KHDRBS2: variants seen among roughly 807,000 people sequenced by gnomAD.
KHDRBS2 encodes the protein KH domain-containing, RNA-binding, signal transduction-associated protein 2.
Under a neutral mutation model 44.3 loss-of-function variants are expected in KHDRBS2, and 26 were observed. That is an observed-to-expected ratio of 0.59 (90% confidence interval 0.43 to 0.81). The LOEUF is 0.81. KHDRBS2 is among the 40% of genes least tolerant of loss of function. The probability of loss-of-function intolerance (pLI) is 0.00; values close to 1 mark genes in which losing one functional copy is unlikely to be tolerated. For synonymous variants in KHDRBS2, 194 were observed against 151.1 expected (o/e 1.28, Z -2.08); for missense variants, 476 against 433.1 (o/e 1.10, Z -0.88).
At chr6:61,637,566 G>A in the KHDRBS2 span, among the ~76,000 whole-genome samples, 2 of 152,094 alleles carry the variant, frequency 1.3e-5, no homozygotes, top group African/African-American at 2.4e-5. Flanking sequence ...GGATGGCTGG[G>A]TCAAATGGTA....
the KHDRBS2 span, among the ~76,000 whole-genome samples, chr6:61,564,106 G>C: frequency 2.0e-5 from 3 of 152,174 alleles, no homozygotes; most frequent in African/African-American, 7.2e-5. Flanking sequence ...TCTGTTAAAT[G>C]CCTCAGCCAT....
the KHDRBS2 span, among the ~76,000 whole-genome samples, chr6:61,670,635 G>A: frequency 6.6e-6 from 1 of 151,314 alleles, no homozygotes; most frequent in Non-Finnish European, 1.5e-5. Flanking sequence ...AATGGTCTTT[G>A]TAAATTCCGT....
At chr6:62,084,120 C>T (rs371750468) in intron 2 of KHDRBS2, among the ~76,000 whole-genome samples, 26 of 152,138 alleles carry the variant, frequency 1.7e-4, no homozygotes, top group East Asian at 1.2e-3. Context: ...TAATCCCTAA[C>T]GAGATATTGA....
At chr6:62,239,823 T>C (rs1276701693) in intron 1 of KHDRBS2, among the ~76,000 whole-genome samples, 7 of 152,004 alleles carry the variant, frequency 4.6e-5, no homozygotes, top group South Asian at 2.1e-4. Context: ...GTAGCTGGGA[T>C]TACAGGTGCC....
chr6:62,019,146 C>A (rs1203945328), intron 3 of KHDRBS2, among the ~76,000 whole-genome samples: 2 of 151,976 alleles, frequency 1.3e-5, no homozygotes, highest in African/African-American at 2.4e-5. Flanking sequence ...TCTGGTGGAA[C>A]TGAGCACTAG....
At chr6:61,754,955 T>G (rs1778270154) in intron 6 of KHDRBS2, among the ~76,000 whole-genome samples, 1 of 152,204 alleles carries the variant, frequency 6.6e-6, no homozygotes, top group Non-Finnish European at 1.5e-5. Flanking sequence ...GCAATTTTGA[T>G]GTAAATACCA....
intron 4 of KHDRBS2, among the ~76,000 whole-genome samples, chr6:61,909,984 A>G (rs1305121462): frequency 1.3e-5 from 2 of 152,218 alleles, no homozygotes. Context: ...GACTTTCAGA[A>G]ATCATCGGAA....
chr6:61,670,412 T>C, the KHDRBS2 span, among the ~76,000 whole-genome samples: 5 of 151,480 alleles, frequency 3.3e-5, no homozygotes, highest in African/African-American at 1.2e-4. Context: ...CAAGAAAGCA[T>C]AAAGCAGCAT....
chr6:62,106,990 T>C (rs1449506079), intron 2 of KHDRBS2, among the ~76,000 whole-genome samples: 1 of 152,104 alleles, frequency 6.6e-6, no homozygotes, highest in Admixed American at 6.6e-5. Flanking sequence ...AATATCATAC[T>C]GAATGGGCAA....
intron 7 of KHDRBS2, among the ~76,000 whole-genome samples, chr6:61,726,679 CAAAAAGAATAA>C (rs1179277505): frequency 6.6e-6 from 1 of 151,962 alleles, no homozygotes; most frequent in Non-Finnish European, 1.5e-5. Context: ...ATCACTGCCA[CAAAAAGAATAA>C]AATATCTAGA....
intron 6 of KHDRBS2, among the ~76,000 whole-genome samples, chr6:61,837,528 G>T (rs1792888671): frequency 6.6e-6 from 1 of 151,932 alleles, no homozygotes; most frequent in Admixed American, 6.6e-5. Context: ...ACTTCCAGAG[G>T]CAATAATGCT....
chr6:62,263,328 T>C (rs1385090323), intron 1 of KHDRBS2, among the ~76,000 whole-genome samples: 11 of 151,704 alleles, frequency 7.3e-5, no homozygotes, highest in Non-Finnish European at 1.6e-4. Context: ...ATTTTTAGTA[T>C]GTTTGGGATC....
chr6:61,789,598 G>A (rs931312864), intron 6 of KHDRBS2, among the ~76,000 whole-genome samples: 7 of 151,374 alleles, frequency 4.6e-5, no homozygotes, highest in African/African-American at 1.7e-4. Context: ...TAAGGTATGC[G>A]TTTCAACATT....
chr6:61,856,860 T>G (rs1475349581), intron 6 of KHDRBS2, among the ~76,000 whole-genome samples: 2 of 152,062 alleles, frequency 1.3e-5, no homozygotes, highest in African/African-American at 2.4e-5. Flanking sequence ...GCCAGATATA[T>G]GCAGTAGTTT....
At chr6:61,576,947 C>T in the KHDRBS2 span, among the ~76,000 whole-genome samples, 1 of 152,202 alleles carries the variant, frequency 6.6e-6, no homozygotes, top group South Asian at 2.1e-4. Context: ...TACATTGTTG[C>T]CTGATTCTAG....
intron 3 of KHDRBS2, among the ~76,000 whole-genome samples, chr6:62,017,969 CAT>C (rs1270747017): frequency 1.5e-4 from 23 of 151,802 alleles, no homozygotes; most frequent in African/African-American, 5.6e-4. Flanking sequence ...ACCGAAGACA[CAT>C]GATTCCATTA....
At chr6:62,262,293 A>G (rs1234776199) in intron 1 of KHDRBS2, among the ~76,000 whole-genome samples, 1 of 151,770 alleles carries the variant, frequency 6.6e-6, no homozygotes, top group Admixed American at 6.6e-5. Flanking sequence ...TTAGTACAAA[A>G]CCACTGAAAT....
intron 2 of KHDRBS2, among the ~76,000 whole-genome samples, chr6:62,140,495 C>G (rs1302037001): frequency 6.6e-6 from 1 of 152,050 alleles, no homozygotes; most frequent in Non-Finnish European, 1.5e-5. Flanking sequence ...TCAAAATGAA[C>G]CCAGTTAAAG....
chr6:61,818,480 A>G (rs891886142), intron 6 of KHDRBS2, among the ~76,000 whole-genome samples: 1 of 151,996 alleles, frequency 6.6e-6, no homozygotes, highest in African/African-American at 2.4e-5. Context: ...TTAAGGAAGT[A>G]GTATCCAGGA....
Sources: allele counts gnomAD v4.1 joint callset (sites outside exome capture counted in the v4.1 genomes callset), GRCh38; gene constraint gnomAD v4.1.1; transcripts MANE v1.5; gene names NCBI Gene and HGNC (gene_info 2026-07-23, HGNC 2026-07-21).